The following WDR17 variants were observed in gnomAD, a reference collection of about 807,000 sequenced individuals.
WDR17 encodes WD repeat domain 17, also known as WD repeat-containing protein 17.
WDR17 carries 143 observed loss-of-function variants against 161.7 expected under a neutral mutation model. That is an observed-to-expected ratio of 0.88 (90% CI 0.77 to 1.02). The LOEUF is 1.02. Among genes scored for constraint, WDR17 ranks in the 50% least tolerant of loss-of-function variants. The pLI is 0.00. For synonymous variants in WDR17, 517 were observed against 515.6 expected (o/e 1.00, Z -0.04); for missense variants, 1,469 against 1,520.9 (o/e 0.97, Z 0.57).
intron 1 of WDR17, among the ~76,000 whole-genome samples, chr4:176,069,813 A>T (rs1434887443): frequency 2.0e-5 from 3 of 152,122 alleles, no homozygotes; most frequent in Non-Finnish European, 4.4e-5. Flanking sequence ...ACATGCTATT[A>T]AAAAAACCCT....
chr4:176,127,252 T>A (rs1742593506), intron 5 of WDR17, among the ~76,000 whole-genome samples: 1 of 152,120 alleles, frequency 6.6e-6, no homozygotes, highest in Admixed American at 6.6e-5. Context: ...TATATCTTAA[T>A]TGCCTTTAAC....
chr4:176,176,066 T>C (rs1224358296), intron 26 of WDR17, among the ~76,000 whole-genome samples: 1 of 152,180 alleles, frequency 6.6e-6, no homozygotes, highest in Non-Finnish European at 1.5e-5. Flanking sequence ...AAGCAACATT[T>C]AACAGTATTA....
At chr4:176,106,676 A>G (rs969221832) in intron 1 of WDR17, among the ~76,000 whole-genome samples, 1 of 152,214 alleles carries the variant, frequency 6.6e-6, no homozygotes, top group African/African-American at 2.4e-5. Context: ...AACACTGGCC[A>G]GGCATGGTGG....
At chr4:176,112,278 T>C (rs865813088) in intron 2 of WDR17, among the ~76,000 whole-genome samples, 6 of 152,200 alleles carry the variant, frequency 3.9e-5, no homozygotes, top group African/African-American at 1.2e-4. Context: ...CAAGAGTGAT[T>C]CTAATATGTT....
chr4:176,158,119 G>T (rs984635064), intron 18 of WDR17, among the ~76,000 whole-genome samples: 1 of 152,154 alleles, frequency 6.6e-6, no homozygotes, highest in African/African-American at 2.4e-5. Flanking sequence ...ACATTAAAGG[G>T]TTTTAATTTT....
chr4:176,139,445 C>CT (rs916562646), intron 9 of WDR17, among the ~76,000 whole-genome samples: 1 of 151,806 alleles, frequency 6.6e-6, no homozygotes, highest in Non-Finnish European at 1.5e-5. Flanking sequence ...TAAAATAGAA[C>CT]TTTGAAACTT....
chr4:176,082,165 A>G (rs1734831125), intron 1 of WDR17, among the ~76,000 whole-genome samples: 1 of 152,084 alleles, frequency 6.6e-6, no homozygotes, highest in Non-Finnish European at 1.5e-5. Flanking sequence ...AAATGATGCA[A>G]CAGATATATA....
At chr4:176,071,027 C>T (rs1380725100) in intron 1 of WDR17, among the ~76,000 whole-genome samples, 1 of 151,996 alleles carries the variant, frequency 6.6e-6, no homozygotes, top group Non-Finnish European at 1.5e-5. Flanking sequence ...GCTTCAAAAA[C>T]TCACATACAA....
chr4:176,151,830 A>G lies in WDR17; in HGVS notation c.2323A>G (p.Thr775Ala), dbSNP rs1469727887. ...AAACCAGTCTGAAGCTCAAGAACTAACAACAGTCAAGATGTCTAAATTTGG... is the reference window on the plus strand; with the variant it reads ...AAACCAGTCTGAAGCTCAAGAACTAGCAACAGTCAAGATGTCTAAATTTGG... ...KFRTSEAQEL[T>A]TVKMSKFGGG... The change falls in exon 17 of 29, where the codon ACA becomes GCA. Residue 775 changes from threonine to alanine, a missense_variant. Coordinates refer to ENST00000508596, the MANE Select transcript of WDR17 (RefSeq NM_181265.4). The G allele has an allele frequency of 3.1e-6, 5 of 1,591,464 alleles. No individual in the cohort carries two copies. The highest frequency in any genetic ancestry group is 4.3e-6 in the Non-Finnish European group (5 of 1,173,238).
chr4:176,134,908 G>C (rs1023493830), intron 7 of WDR17, among the ~76,000 whole-genome samples, 200 bp from the exon 8 acceptor site: 1 of 151,646 alleles, frequency 6.6e-6, no homozygotes, highest in Non-Finnish European at 1.5e-5. Context: ...ATCTAGGTCT[G>C]TACAAAATAA....
In WDR17 at chr4:176,167,661, A is replaced by AAAAAAC. The variant is rs1554036560; in HGVS notation, c.2991-1006_2991-1005insCAAAAA. On this transcript the variant is annotated intron_variant, in intron 22 of 28. Transcript: ENST00000508596. ...CTCCGTCTCAAAAAAAAAAAAAAAA[A>AAAAAAC]AAAAAAAAAAACAATATCTTGAATT... 1.5e-4 allele frequency among the ~76,000 whole-genome samples: 17 copies of AAAAAAC among 113,776 alleles called. 2 individuals are homozygous for AAAAAAC. Among genetic ancestry groups the AAAAAAC allele is most frequent in the Non-Finnish European group, 2.7e-4 (15 of 55,410 alleles). The allele number at this position is 113,776 out of a possible 152,430, so 74.6% of individuals were successfully genotyped here.
chr4:176,128,812 A>G lies in WDR17; in HGVS notation c.865A>G (p.Thr289Ala). Reference protein sequence around the residue: ...TPIDNLKLKKTGFHCLHVLNS... With the variant: ...TPIDNLKLKKAGFHCLHVLNS... Reference sequence around the variant, plus strand: ...TATTGATAATCTTAAATTAAAGAAAACAGGATTTCACTGCTTACATGTACT... The same window carrying G: ...TATTGATAATCTTAAATTAAAGAAAGCAGGATTTCACTGCTTACATGTACT... The change falls in exon 6 of 29, where the codon ACA (threonine) becomes GCA (alanine). Residue 289 changes from threonine to alanine, a missense_variant. Physicochemically the swap from Thr to Ala is moderately conservative, Grantham distance 58. Transcript: ENST00000508596. 1 of 1,606,170 alleles carries G rather than the reference A, an allele frequency of 6.2e-7. No individual in the cohort carries two copies. The highest frequency in any genetic ancestry group is 8.5e-7 in the Non-Finnish European group (1 of 1,176,414).
At chr4:176,122,154 C>T (rs1741694054) in intron 4 of WDR17, among the ~76,000 whole-genome samples, 1 of 152,198 alleles carries the variant, frequency 6.6e-6, no homozygotes, top group South Asian at 2.1e-4. Context: ...TGTCTCCTGG[C>T]TTCCTGTTCC....
At chr4:176,122,644 A>T (rs1187504452) in intron 4 of WDR17, among the ~76,000 whole-genome samples, 2 of 152,124 alleles carry the variant, frequency 1.3e-5, no homozygotes, top group African/African-American at 2.4e-5. Context: ...ACTTTTCATG[A>T]GTTGTTAACC....
chr4:176,122,504 A>G (rs186206089), intron 4 of WDR17, among the ~76,000 whole-genome samples: 27 of 152,334 alleles, frequency 1.8e-4, no homozygotes, highest in African/African-American at 6.0e-4. Flanking sequence ...CAGTCCTGAT[A>G]AGTATTTTCC....
chr4:176,174,742 C>G, intron 26 of WDR17, 24 bp downstream of exon 26: 1 of 1,526,950 alleles, frequency 6.5e-7, no homozygotes, highest in Non-Finnish European at 9.0e-7. Context: ...TTTCCTCCAT[C>G]ATGACATTAG....
chr4:176,112,675 T>TC lies in WDR17; in HGVS notation c.123+976dup, dbSNP rs143753774. On this transcript the variant is annotated intron_variant, in intron 2 of 28. Transcript: ENST00000508596. ...ATGAACTCTTTTCCATATTCTATTTTCCCCTCTTTCTTAGCAGTAAAGGAC... is the reference window on the plus strand; with the variant it reads ...ATGAACTCTTTTCCATATTCTATTTTCCCCCTCTTTCTTAGCAGTAAAGGAC... 5.8e-3 allele frequency among the ~76,000 whole-genome samples: 883 copies of TC among 152,262 alleles called. 9 individuals are homozygous for TC. The highest frequency in any genetic ancestry group is 0.02 in the African/African-American group (824 of 41,560).
At chr4:176,071,430 C>A (rs1437740753) in intron 1 of WDR17, among the ~76,000 whole-genome samples, 17 of 151,780 alleles carry the variant, frequency 1.1e-4, no homozygotes. Flanking sequence ...TCAAGCAATT[C>A]TCCTGCCTCA....
At chr4:176,095,941 G>A (rs561803614) in intron 1 of WDR17, among the ~76,000 whole-genome samples, 4 of 152,184 alleles carry the variant, frequency 2.6e-5, no homozygotes, top group Admixed American at 6.6e-5. Context: ...TCTGTTGAAC[G>A]TATTAGCACT....
Sources: allele counts gnomAD v4.1 joint callset (sites outside exome capture counted in the v4.1 genomes callset), GRCh38; gene constraint gnomAD v4.1.1; transcripts MANE v1.5; gene names NCBI Gene and HGNC (gene_info 2026-07-23, HGNC 2026-07-21).